Variants in HR observed in about 807,000 individuals in gnomAD.
HR encodes the protein lysine-specific demethylase hairless.
A neutral mutation model predicts 128.6 loss-of-function variants in HR; 83 were observed. That is an observed-to-expected ratio of 0.65 (90% CI 0.54 to 0.77). The LOEUF is 0.77. HR is among the 30% of genes least tolerant of loss of function. HR has a pLI of 0.00. For missense variants in HR, 1,490 were observed against 1,574.6 expected (o/e 0.95, Z 0.91); for synonymous variants, 681 against 658.2 (o/e 1.03, Z -0.53).
intron 9 of HR, 103 bp from the exon 10 acceptor site, chr8:22,121,331 C>T: frequency 7.0e-7 from 1 of 1,435,354 alleles, no homozygotes; most frequent in Non-Finnish European, 9.6e-7. Flanking sequence ...TGGCTGAGCC[C>T]ACTCTCCCCA....
chr8:22,117,297 T>C, intron 16 of HR: 2 of 468,288 alleles, frequency 4.3e-6, no homozygotes, highest in Admixed American at 3.8e-5. Flanking sequence ...TCCCTGCTTT[T>C]CTGGGGCTGG....
At chr8:22,125,559 G>T (rs1380370373) in intron 4 of HR, 23 bp downstream of exon 4, 1 of 1,612,710 alleles carries the variant, frequency 6.2e-7, no homozygotes, top group Admixed American at 1.7e-5. Flanking sequence ...GGGCACTGGA[G>T]GTGTCCAGGG....
chr8:22,114,871 C>CCA lies in HR; in HGVS notation c.*828_*829insTG, dbSNP rs1826546817. ...CTCAGGAGCATCTTTGGGGGACAGC[C>CCA]CCCCACCCCACCCAAAGTCTCCTCA... On this transcript the variant is annotated 3_prime_UTR_variant, in exon 19 of 19. Coordinates refer to ENST00000381418, the MANE Select transcript of HR (RefSeq NM_005144.5). The CCA allele has an allele frequency of 6.6e-6, 1 of 152,236 alleles. No homozygotes were observed. Among genetic ancestry groups the CCA allele is most frequent in the Non-Finnish European group, 1.5e-5 (1 of 68,312 alleles). The allele number at this position is 152,236 out of a possible 1,614,324, so 9.4% of individuals were successfully genotyped here.
intron 7 of HR, 25 bp from the exon 8 acceptor site, chr8:22,122,633 G>C (rs1826784429): frequency 1.3e-6 from 2 of 1,580,904 alleles, no homozygotes; most frequent in Non-Finnish European, 1.7e-6. Context: ...GGGCAGGAGA[G>C]GGAGGTTGGT....
At chr8:22,117,385 G>C in intron 16 of HR, 1 of 311,614 alleles carries the variant, frequency 3.2e-6, no homozygotes, top group East Asian at 6.1e-5. Flanking sequence ...ATCCGAGGGA[G>C]ACGTCCTGCA....
In HR at chr8:22,129,302, T is replaced by G; in HGVS notation, c.-40-92A>C. On this transcript the variant is annotated intron_variant, in intron 1 of 18. Transcript: ENST00000381418. ...AGAGTGGGCACCGCCCTGGCAACAC[T>G]GAGGCAGCTCAAACCAGTAAGGCAA... 2.6e-6 allele frequency: 3 copies of G among 1,132,924 alleles called. No individual in the cohort carries two copies. The East Asian group carries it at 7.4e-5, about 28-fold the overall frequency. 70.2% of individuals were successfully genotyped at this position (1,132,924 alleles called of 1,614,324 possible).
At position 22,121,136 on chromosome 8, in the gene HR, C is replaced by T. The variant is rs142343325; in HGVS notation, c.2296G>A (p.Ala766Thr). 4 of 1,613,774 alleles carry T rather than the reference C, an allele frequency of 2.5e-6. No individual in the cohort carries two copies. Among genetic ancestry groups the T allele is most frequent in the East Asian group, 4.5e-5 (2 of 44,884 alleles). The change falls in exon 10 of 19, where the codon GCG becomes ACG. Residue 766 changes from alanine to threonine, a missense_variant. Ala to Thr is a moderately conservative substitution (Grantham distance 58, BLOSUM62 0). Transcript: ENST00000381418. ...TCATGGCCCAAGCAGAGTTTGACCG[C>T]GGTAGAAGCCAGCAGTTCGCAGAGA... ...PSLCELLAST[A>T]VKLCLGHERI...
chr8:22,127,991 G>A lies in HR; in HGVS notation c.613-162C>T, dbSNP rs767894166. On this transcript the variant is annotated intron_variant, in intron 2 of 18. Transcript: ENST00000381418. ...AGGTCTCTGGAGTGCCTCTGACACT[G>A]TCCTGGCAACCCCCACCTCCTCCCC... 1.2e-4 allele frequency: 92 copies of A among 741,208 alleles called. 1 individual carries two copies. Among genetic ancestry groups the A allele is most frequent in the Middle Eastern group, 1.1e-3 (3 of 2,812 alleles). 45.9% of individuals were successfully genotyped at this position (741,208 alleles called of 1,614,324 possible). A position where few individuals can be genotyped will look rare whatever the true frequency, so the allele number is the denominator to read the frequency against.
chr8:22,125,052 C>T (rs1260136070), intron 5 of HR, among the ~76,000 whole-genome samples: 2 of 152,220 alleles, frequency 1.3e-5, no homozygotes, highest in African/African-American at 4.8e-5. Flanking sequence ...TCGCCTGACC[C>T]CCAAGCCCTC....
intron 2 of HR, chr8:22,128,155 T>G (rs1344331797): frequency 1.2e-5 from 6 of 516,802 alleles, no homozygotes; most frequent in African/African-American, 1.2e-4. Flanking sequence ...TAACATCTCA[T>G]CCCTGGGAGT....
chr8:22,120,687 G>A (rs1826721903), intron 11 of HR, 29 bp downstream of exon 11: 2 of 1,507,960 alleles, frequency 1.3e-6, no homozygotes, highest in African/African-American at 1.4e-5. Flanking sequence ...GGTGGCCAGG[G>A]CCGGGAGGGG....
intron 9 of HR, 77 bp from the exon 10 acceptor site, chr8:22,121,305 C>T (rs1826747397): frequency 6.5e-7 from 1 of 1,537,456 alleles, no homozygotes. Context: ...GCCCATGCTG[C>T]TCTTCCCTCT....
rs776531282 is a variant in HR, at chr8:22,119,808, G to A, written c.2929C>T (p.Pro977Ser). 2 of 1,613,818 alleles carry A rather than the reference G, an allele frequency of 1.2e-6. No individual in the cohort carries two copies. The highest frequency in any genetic ancestry group is 1.7e-6 in the Non-Finnish European group (2 of 1,179,970). ...TCCAGTGGACGCAGGGCAAGGCCCGGTGGGAGGTAGGAAGCCAGGTTGAGT... is the reference window on the plus strand; with the variant it reads ...TCCAGTGGACGCAGGGCAAGGCCCGATGGGAGGTAGGAAGCCAGGTTGAGT... ...GKLNLASYLP[P>S]GLALRPLEPQ... The change falls in exon 14 of 19, where the codon CCG (proline) becomes TCG (serine). Residue 977 changes from proline to serine, a missense_variant. By Grantham distance (74) the Pro-to-Ser change is moderately conservative. Around this residue, in one of 3 missense-constraint regions of HR, gnomAD observed 423 missense variants for 495.9 expected, o/e 0.85. Transcript: ENST00000381418.
rs773703088 is a variant in HR, at chr8:22,119,283, C to T, written c.2978G>A (p.Gly993Asp). The change falls in exon 15 of 19, where the codon GGT (glycine) becomes GAT (aspartate). Residue 993 changes from glycine (G) to aspartate (D), a missense_variant and splice_region_variant. Gly to Asp is a moderately conservative substitution (Grantham distance 94, BLOSUM62 -1). Transcript: ENST00000381418. ...PLEPQLWAAY[G>D]VSPHRGHLGT... ...CAGGTGTCCCCGGTGCGGGCTCACA[C>T]CTGCATGGCAATAGAGAAAGAACAG... 3.1e-6 allele frequency: 5 copies of T among 1,613,404 alleles called. No homozygotes were observed. Among genetic ancestry groups the T allele is most frequent in the Non-Finnish European group, 3.4e-6 (4 of 1,180,042 alleles).
At position 22,120,878 on chromosome 8, in the gene HR, C is replaced by G. The variant is rs371480612; in HGVS notation, c.2448G>C (p.Pro816=). 1 of 1,553,470 alleles carries G rather than the reference C, an allele frequency of 6.4e-7. No homozygotes were observed. ...GCAGACCCGGGCCAGCTCGAAGCCC[C>G]GGCCCCAGGGCTTTCTCCTGGATCT... ...ERKIQEKALG[P]GLRAGPGLRK... The change falls in exon 11 of 19, where the codon CCG becomes CCC. Residue 816 remains proline (P), a synonymous_variant. Coordinates refer to ENST00000381418, the MANE Select transcript of HR (RefSeq NM_005144.5).
At chr8:22,125,011 A>G (rs1382635554) in intron 5 of HR, among the ~76,000 whole-genome samples, 1 of 152,190 alleles carries the variant, frequency 6.6e-6, no homozygotes, top group Non-Finnish European at 1.5e-5. Flanking sequence ...ACCTTAGCCC[A>G]GGTCCTGTCA....
At position 22,122,606 on chromosome 8, in the gene HR, A is replaced by C; in HGVS notation, c.2008T>G (p.Leu670Val). The C allele has an allele frequency of 7.4e-7, 1 of 1,353,866 alleles. No homozygotes were observed. The highest frequency in any genetic ancestry group is 1.2e-5 in the South Asian group (1 of 84,758). The allele number at this position is 1,353,866 out of a possible 1,614,324, so 83.9% of individuals were successfully genotyped here. A position where few individuals can be genotyped will look rare whatever the true frequency, so the allele number is the denominator to read the frequency against. Residue 670 changes from leucine (L) to valine (V), a missense_variant and splice_region_variant, in exon 8 of 19, where the codon TTG becomes GTG. Physicochemically the swap from Leu to Val is conservative, Grantham distance 32. Transcript: ENST00000381418. ...MLTQFVSSQA[L>V]AELSTAMHQV... ...TGCATTGCAGTGCTCAGCTCTGCCA[A>C]AGCTGGGGGTGGGGGTGGGCAGGAG... is the stretch of plus-strand genomic sequence containing the variant.
At chr8:22,118,783 G>T (rs1826655597) in intron 16 of HR, 167 bp downstream of exon 16, 1 of 626,552 alleles carries the variant, frequency 1.6e-6, no homozygotes, top group African/African-American at 1.8e-5. Context: ...GCAGAACTCC[G>T]GGTCCCCTCT....
Position 22,116,248 on chromosome 8 carries a change from A to G in HR, c.3507+52T>C. On this transcript the variant is annotated intron_variant, in intron 18 of 18. Coordinates refer to ENST00000381418, the MANE Select transcript of HR (RefSeq NM_005144.5). The surrounding 1 kb of genome is among the most constrained non-coding windows in gnomAD (Gnocchi z 4.2). ...TGTCCACTGCAGCTGTGGCACAGGG[A>G]GGTGGGAGGCTTGGGTAGCACACCC... The G allele has an allele frequency of 1.2e-6, 2 of 1,610,506 alleles. No individual in the cohort carries two copies. The highest frequency in any genetic ancestry group is 1.7e-6 in the Non-Finnish European group (2 of 1,179,226).
Sources: allele counts gnomAD v4.1 joint callset (sites outside exome capture counted in the v4.1 genomes callset), GRCh38; gene constraint gnomAD v4.1.1; regional missense constraint gnomAD v4.1.1; non-coding constraint Gnocchi (gnomAD v3.1); transcripts MANE v1.5; gene names NCBI Gene and HGNC (gene_info 2026-07-23, HGNC 2026-07-21).